The following RICTOR variants were observed in gnomAD, a reference collection of about 807,000 sequenced individuals.
RICTOR encodes the protein rapamycin-insensitive companion of mTOR.
In RICTOR, 49 loss-of-function variants were observed where a neutral mutation model predicts 214.9. The ratio of observed to expected loss-of-function variants is 0.23; its 90% CI spans 0.18 to 0.29. The LOEUF (loss-of-function observed/expected upper bound fraction) is 0.29. Among genes scored for constraint, RICTOR ranks in the 10% least tolerant of loss-of-function variants. RICTOR has a pLI of 1.00. For missense variants in RICTOR, 1,625 were observed against 2,047.0 expected (o/e 0.79, Z 3.98); for synonymous variants, 717 against 711.3 (o/e 1.01, Z -0.13).
At chr5:39,060,108 T>A (rs1469009145) in intron 2 of RICTOR, among the ~76,000 whole-genome samples, 1 of 152,098 alleles carries the variant, frequency 6.6e-6, no homozygotes, top group Non-Finnish European at 1.5e-5. Flanking sequence ...TTAGCTATCT[T>A]CATATAATCC....
chr5:38,970,348 C>T (rs2150039058), intron 11 of RICTOR: 1 of 152,290 alleles, frequency 6.6e-6, no homozygotes, highest in South Asian at 2.1e-4. Flanking sequence ...TTTTCATTAA[C>T]CTAATTGTGC....
At chr5:38,959,425 A>T (rs1749594833) in intron 21 of RICTOR, 104 bp from the exon 22 acceptor site, 2 of 697,616 alleles carry the variant, frequency 2.9e-6, no homozygotes, top group Non-Finnish European at 4.6e-6. Context: ...AATGACAAAT[A>T]AAAATTGTAT....
intron 3 of RICTOR, among the ~76,000 whole-genome samples, chr5:39,009,121 A>G (rs1404513357): frequency 6.6e-6 from 1 of 152,140 alleles, no homozygotes; most frequent in Non-Finnish European, 1.5e-5. Context: ...AAAATTCTAC[A>G]AATATACAAA....
intron 2 of RICTOR, among the ~76,000 whole-genome samples, chr5:39,067,986 C>T (rs1450698476): frequency 6.6e-6 from 1 of 152,050 alleles, no homozygotes. Flanking sequence ...CCTCAAGAAG[C>T]TAAAGATCTA....
intron 2 of RICTOR, among the ~76,000 whole-genome samples, chr5:39,047,572 T>A (rs2150181170): frequency 6.6e-6 from 1 of 152,374 alleles, no homozygotes; most frequent in East Asian, 1.9e-4. Context: ...AATGGTATCC[T>A]GTTTTTATAC....
At chr5:39,029,719 G>A (rs576033801) in intron 2 of RICTOR, among the ~76,000 whole-genome samples, 36 of 152,270 alleles carry the variant, frequency 2.4e-4, no homozygotes, top group Middle Eastern at 3.4e-3. Context: ...TTAACTTTAT[G>A]AGCATCCATT....
Position 38,959,909 on chromosome 5 carries a change from T to G in RICTOR, c.1921A>C (p.Lys641Gln). The change falls in exon 21 of 38, where the codon AAA becomes CAA. Residue 641 changes from lysine to glutamine, a missense_variant. By Grantham distance (53) the Lys-to-Gln change is moderately conservative. This residue lies in a region of RICTOR where 1,214 missense variants were observed against 1,470.5 expected (regional missense o/e 0.83). Coordinates refer to ENST00000357387, the MANE Select transcript of RICTOR (RefSeq NM_152756.5). The stretch of plus-strand genomic sequence containing the variant: ...TTATTTTGAAGACTTCTTTCGGGTT[T>G]CATTCCAGATGAAGCATTGAGCCAC... ...VQWLNASSGM[K>Q]PERSLQNNGL... 6.2e-7 allele frequency: 1 copy of G among 1,613,348 alleles called. No individual in the cohort carries two copies. Among genetic ancestry groups the G allele is most frequent in the Middle Eastern group, 1.7e-4 (1 of 6,048 alleles).
chr5:38,960,340 G>A, intron 20 of RICTOR, 58 bp downstream of exon 20: 1 of 1,540,638 alleles, frequency 6.5e-7, no homozygotes, highest in Non-Finnish European at 8.9e-7. Context: ...CAGAGGGAGG[G>A]TAAGGGAAGC....
rs548582151 is a variant in RICTOR at position 38,986,105 on chromosome 5, C to T, written c.584-4069G>A. Among the ~76,000 whole-genome samples the T allele has an allele frequency of 1.6e-4, 25 of 152,232 alleles. No individual in the cohort carries two copies. The Middle Eastern group carries it at 0.01, about 62-fold the overall frequency. On this transcript the variant is annotated intron_variant, in intron 7 of 37. Coordinates refer to ENST00000357387, the MANE Select transcript of RICTOR (RefSeq NM_152756.5). ...CACCCAAATCTCATCTCAAATTGGA[C>T]CCACGTGTCGAGGAAGGGACCTGGT...
At chr5:38,974,970 C>T (rs752507050) in intron 10 of RICTOR, among the ~76,000 whole-genome samples, 9 of 152,142 alleles carry the variant, frequency 5.9e-5, no homozygotes, top group Non-Finnish European at 1.2e-4. Context: ...ACATTGGGTA[C>T]AAAAGTAATT....
At chr5:39,005,061 A>T (rs756605202) in intron 3 of RICTOR, among the ~76,000 whole-genome samples, 27 of 151,964 alleles carry the variant, frequency 1.8e-4, no homozygotes, top group Non-Finnish European at 3.4e-4. Flanking sequence ...GATTATGGGC[A>T]TGAGCCACAG....
At chr5:39,062,556 T>C (rs1731980998) in intron 2 of RICTOR, among the ~76,000 whole-genome samples, 1 of 152,098 alleles carries the variant, frequency 6.6e-6, no homozygotes, top group African/African-American at 2.4e-5. Flanking sequence ...AGCATGGAAA[T>C]AAATAGCAAT....
chr5:38,975,742 C>CGCCG, intron 9 of RICTOR, 138 bp from the exon 10 acceptor site: 2 of 467,190 alleles, frequency 4.3e-6, no homozygotes, highest in Non-Finnish European at 7.3e-6. Context: ...AGACAAAGAT[C>CGCCG]AGATCTACAC....
chr5:38,979,453 T>G (rs1250582583), intron 8 of RICTOR, among the ~76,000 whole-genome samples: 1 of 152,248 alleles, frequency 6.6e-6, no homozygotes. Context: ...TATTTACTTT[T>G]TCTGGTGCTC....
At chr5:38,966,766 A>C in intron 14 of RICTOR, 45 bp from the exon 15 acceptor site, 2 of 1,037,832 alleles carry the variant, frequency 1.9e-6, no homozygotes, top group Non-Finnish European at 2.9e-6. Context: ...AATAATACAT[A>C]TGAAAACATT....
At chr5:39,011,466 G>A (rs1339975944) in intron 3 of RICTOR, among the ~76,000 whole-genome samples, 1 of 152,214 alleles carries the variant, frequency 6.6e-6, no homozygotes, top group African/African-American at 2.4e-5. Context: ...GTGGAGCTGT[G>A]AGAAGAGGGC....
chr5:39,003,690 T>G, intron 3 of RICTOR, 68 bp from the exon 4 acceptor site: 1 of 871,376 alleles, frequency 1.1e-6, no homozygotes, highest in Non-Finnish European at 1.8e-6. Context: ...ATACATTATA[T>G]ATTTACACTG....
Position 38,952,978 on chromosome 5 carries a change from G to A in RICTOR, c.2897+7C>T. 1 of 1,533,994 alleles carries A rather than the reference G, an allele frequency of 6.5e-7. No individual in the cohort carries two copies. The highest frequency in any genetic ancestry group is 9.0e-7 in the Non-Finnish European group (1 of 1,111,064). On this transcript the variant is annotated splice_region_variant and intron_variant, in intron 29 of 37. Coordinates refer to ENST00000357387, the MANE Select transcript of RICTOR (RefSeq NM_152756.5). ...CATTAGAAAGATTTCTGAGTTAAAT[G>A]ACCTACCCTCTGATGGAAAGAACTT...
At chr5:38,979,754 TCCTC>T (rs1422370716) in intron 8 of RICTOR, among the ~76,000 whole-genome samples, 1 of 152,166 alleles carries the variant, frequency 6.6e-6, no homozygotes, top group Non-Finnish European at 1.5e-5. Context: ...AGGGCTCAGT[TCCTC>T]CCTATGTATT....
Sources: gnomAD v4.1 joint callset for allele counts (sites outside exome capture counted in the v4.1 genomes callset) on GRCh38, gnomAD v4.1.1 for gene constraint, gnomAD v4.1.1 regional missense constraint, MANE v1.5 for transcripts, NCBI Gene and HGNC (gene_info 2026-07-23, HGNC 2026-07-21) for gene names.